The following PDE10A variants were observed in gnomAD, a reference collection of about 807,000 sequenced individuals.
PDE10A encodes the protein cAMP and cAMP-inhibited cGMP 3',5'-cyclic phosphodiesterase 10A.
PDE10A carries 39 observed loss-of-function variants against 97.7 expected under a neutral mutation model. The observed-to-expected ratio is 0.40, with a 90% CI of 0.31 to 0.52. The LOEUF is 0.52. Ranked by LOEUF, PDE10A falls within the 20% of genes least tolerant of loss-of-function variation. The pLI is 0.56. For synonymous variants in PDE10A, 371 were observed against 376.8 expected, an observed-to-expected ratio of 0.98 and a Z score of 0.18; for missense variants, 731 against 1,047.8, an observed-to-expected ratio of 0.70 and a Z score of 4.17.
chr6:165,796,835 T>C (rs1778844871), intron 1 of PDE10A, among the ~76,000 whole-genome samples: 5 of 152,186 alleles, frequency 3.3e-5, no homozygotes, highest in Admixed American at 3.3e-4. Flanking sequence ...TCCCCCTCAT[T>C]TTCAAGACAT....
chr6:165,535,114 C>T (rs1405978412), intron 2 of PDE10A, among the ~76,000 whole-genome samples: 2 of 151,868 alleles, frequency 1.3e-5, no homozygotes, highest in Non-Finnish European at 2.9e-5. Context: ...ACAAAATCAA[C>T]ATATGATAAT....
intron 1 of PDE10A, among the ~76,000 whole-genome samples, chr6:165,845,099 G>A (rs1780375751): frequency 6.6e-6 from 1 of 152,122 alleles, no homozygotes; most frequent in African/African-American, 2.4e-5. Context: ...CGTTCTTATT[G>A]TTTACTTGAT....
Position 165,721,334 on chromosome 6 carries a change from C to T in PDE10A, c.-614-177766G>A, listed in dbSNP as rs183456590. Among the ~76,000 whole-genome samples the T allele has an allele frequency of 7.2e-5, 11 of 152,310 alleles. No individual in the cohort carries two copies. The East Asian group carries it at 7.7e-4, about 11-fold the overall frequency. On this transcript the variant is annotated intron_variant, in intron 1 of 19. Transcript: ENST00000366882. ...AATCCTGGATTTTGGTGTTTGGTAA[C>T]GAACGATTTCATTGTCAATCCAATT...
rs76317214 is a variant in PDE10A, at chr6:165,909,435, T to C, written c.-615+78094A>G. On this transcript the variant is annotated intron_variant, in intron 1 of 19. Coordinates refer to the PDE10A transcript ENST00000366882. ...GTCTGTTGGACTCGGACACCGTAGC[T>C]TAGGACAAATAGGAGATACAATAGA... Among the ~76,000 whole-genome samples the C allele has an allele frequency of 3.6e-4, 55 of 152,336 alleles. 1 individual carries two copies. The East Asian group carries it at 8.1e-3, about 22-fold the overall frequency.
intron 3 of PDE10A, among the ~76,000 whole-genome samples, chr6:165,469,073 A>G (rs1281595953): frequency 1.3e-5 from 2 of 152,240 alleles, no homozygotes; most frequent in Non-Finnish European, 2.9e-5. Context: ...TAATCACTTG[A>G]TATCATTTTT....
intron 1 of PDE10A, chr6:165,894,414 G>A: frequency 2.2e-6 from 1 of 456,076 alleles, no homozygotes; most frequent in Non-Finnish European, 4.4e-6. Context: ...AAATTAAACA[G>A]AGATATAAGT....
At chr6:165,902,490 C>G (rs1421013342) in intron 1 of PDE10A, among the ~76,000 whole-genome samples, 1 of 152,188 alleles carries the variant, frequency 6.6e-6, no homozygotes, top group Non-Finnish European at 1.5e-5. Context: ...TACTTCCTCT[C>G]TTTTCTCTTG....
chr6:165,400,636 T>G (rs1402272191), intron 13 of PDE10A, among the ~76,000 whole-genome samples: 1 of 152,218 alleles, frequency 6.6e-6, no homozygotes, highest in Non-Finnish European at 1.5e-5. Context: ...ACAGTCACTT[T>G]GGTAAACAGT....
intron 1 of PDE10A, among the ~76,000 whole-genome samples, chr6:165,650,543 C>T (rs981870996): frequency 2.0e-5 from 3 of 152,192 alleles, no homozygotes; most frequent in East Asian, 1.9e-4. Context: ...TTTCACATAA[C>T]GGTGTATCTC....
intron 1 of PDE10A, among the ~76,000 whole-genome samples, chr6:165,847,945 A>C (rs1372653030): frequency 6.6e-6 from 1 of 152,218 alleles, no homozygotes; most frequent in Admixed American, 6.5e-5. Context: ...AGCATAGGTC[A>C]CATGTGCTAC....
At chr6:165,404,443 T>C (rs914331005) in intron 13 of PDE10A, among the ~76,000 whole-genome samples, 6 of 152,098 alleles carry the variant, frequency 3.9e-5, no homozygotes, top group African/African-American at 9.6e-5. Context: ...TCTCCATCCA[T>C]TGAGAATATG....
chr6:165,361,131 A>G (rs947132270), intron 18 of PDE10A, among the ~76,000 whole-genome samples: 1 of 152,214 alleles, frequency 6.6e-6, no homozygotes, highest in Non-Finnish European at 1.5e-5. Context: ...AGAGATGCCT[A>G]AGCATTAGAA....
At chr6:165,722,321 G>T (rs949534863) in intron 1 of PDE10A, among the ~76,000 whole-genome samples, 6 of 152,182 alleles carry the variant, frequency 3.9e-5, no homozygotes, top group Admixed American at 3.9e-4. Flanking sequence ...CCAAGTTTTA[G>T]AAGGTTAATT....
intron 1 of PDE10A, among the ~76,000 whole-genome samples, chr6:165,869,722 C>G (rs1047229394): frequency 6.6e-5 from 10 of 152,104 alleles, no homozygotes; most frequent in Non-Finnish European, 1.2e-4. Context: ...GTAACCAAAA[C>G]AGCATGGTAT....
intron 13 of PDE10A, among the ~76,000 whole-genome samples, chr6:165,407,120 C>T (rs1458355455): frequency 2.0e-5 from 3 of 152,134 alleles, no homozygotes; most frequent in Non-Finnish European, 4.4e-5. Context: ...TGTATCTATT[C>T]ATCTATATAT....
At chr6:165,979,956 C>T (rs1272318388) in intron 1 of PDE10A, among the ~76,000 whole-genome samples, 2 of 152,158 alleles carry the variant, frequency 1.3e-5, no homozygotes, top group East Asian at 3.8e-4. Context: ...TTAAATTCCT[C>T]AATGTTTATT....
chr6:165,945,958 T>G (rs1171382025), intron 1 of PDE10A, among the ~76,000 whole-genome samples: 2 of 152,236 alleles, frequency 1.3e-5, no homozygotes, highest in Non-Finnish European at 2.9e-5. Flanking sequence ...TTTTTACATT[T>G]AAAGATATCA....
intron 2 of PDE10A, among the ~76,000 whole-genome samples, chr6:165,524,390 G>A (rs1365360637): frequency 1.3e-5 from 2 of 152,060 alleles, no homozygotes; most frequent in East Asian, 3.9e-4. Context: ...CTAACAATAT[G>A]GAGAACACCA....
At chr6:165,908,780 C>T (rs140523388) in intron 1 of PDE10A, 108 of 152,334 alleles carry the variant, frequency 7.1e-4, no homozygotes, top group African/African-American at 2.5e-3. Context: ...AGGGTGGAGC[C>T]TTGTCAAGCG....
Sources: allele counts gnomAD v4.1 joint callset (sites outside exome capture counted in the v4.1 genomes callset), GRCh38; gene constraint gnomAD v4.1.1; transcripts MANE v1.5; gene names NCBI Gene and HGNC (gene_info 2026-07-23, HGNC 2026-07-21).